Variants in KIF16B observed in about 807,000 individuals in gnomAD.
The protein encoded by KIF16B is kinesin family member 16B, also known as kinesin-like protein KIF16B.
In KIF16B, 98 loss-of-function variants were observed where a neutral mutation model predicts 156.3. That is an observed-to-expected ratio of 0.63 (90% confidence interval 0.53 to 0.74). The LOEUF is 0.74. KIF16B is among the 30% of genes least tolerant of loss of function. KIF16B has a pLI of 0.00. For synonymous variants in KIF16B, 564 were observed against 583.7 expected, an observed-to-expected ratio of 0.97 and a Z score of 0.49; for missense variants, 1,421 against 1,606.5, an observed-to-expected ratio of 0.88 and a Z score of 1.97.
intron 6 of KIF16B, among the ~76,000 whole-genome samples, chr20:16,509,851 T>C (rs1416594743): frequency 1.3e-5 from 2 of 152,232 alleles, no homozygotes; most frequent in South Asian, 2.1e-4. Flanking sequence ...AAATTTAACA[T>C]TGTTTATTTT....
At position 16,336,012 on chromosome 20, in the gene KIF16B, T is replaced by C; in HGVS notation, c.3625A>G (p.Thr1209Ala). The change falls in exon 24 of 26, where the codon ACT (threonine) becomes GCT (alanine). Residue 1209 changes from threonine to alanine, a missense_variant. Coordinates refer to ENST00000354981, the MANE Select transcript of KIF16B (RefSeq NM_024704.5). ...ACAGTCCATGTCTCATCTAGGACAG[T>C]AATCTATTAACCAGGAAAACCAAAA... ...DAHFEFEVKI[T>A]VLDETWTVFR... 1 of 1,589,792 alleles carries C rather than the reference T, an allele frequency of 6.3e-7. No individual in the cohort carries two copies. The highest frequency in any genetic ancestry group is 1.7e-4 in the Middle Eastern group (1 of 5,990).
At chr20:16,462,157 C>T (rs2067362438) in intron 12 of KIF16B, among the ~76,000 whole-genome samples, 2 of 152,114 alleles carry the variant, frequency 1.3e-5, no homozygotes, top group Admixed American at 6.5e-5. Flanking sequence ...AGAAGAATTG[C>T]TTGAACCCAG....
At chr20:16,427,620 A>G (rs1306166566) in intron 14 of KIF16B, among the ~76,000 whole-genome samples, 1 of 152,126 alleles carries the variant, frequency 6.6e-6, no homozygotes, top group Non-Finnish European at 1.5e-5. Context: ...GAGGCCACAG[A>G]GAATAAAAGC....
In KIF16B at chr20:16,330,644, G is replaced by A. The variant is rs2063931899; in HGVS notation, c.3711+5282C>T. Among the ~76,000 whole-genome samples, 7 of 152,196 alleles carry A rather than the reference G, an allele frequency of 4.6e-5. No homozygotes were observed. The South Asian group carries it at 1.5e-3, about 32-fold the overall frequency. ...TTCTGGAAACCTGATAAGGTGACAT[G>A]CCAAGTTTGTTATGAGACAATGTTG... On this transcript the variant is annotated intron_variant, in intron 24 of 25. Transcript: ENST00000354981.
In KIF16B at chr20:16,569,150, C is replaced by T. The variant is rs1056190130; in HGVS notation, c.47+4079G>A. ...CTCAGAAGACAGCCAGACAGCCTAT[C>T]TGCTGGCACCTTGATCTTGGATATC... On this transcript the variant is annotated intron_variant, in intron 1 of 25. Coordinates refer to ENST00000354981, the MANE Select transcript of KIF16B (RefSeq NM_024704.5). 5.3e-5 allele frequency among the ~76,000 whole-genome samples: 8 copies of T among 152,194 alleles called. 1 individual carries two copies. Among genetic ancestry groups the T allele is most frequent in the African/African-American group, 1.9e-4 (8 of 41,446 alleles).
At chr20:16,334,071 G>C (rs1032494444) in intron 24 of KIF16B, among the ~76,000 whole-genome samples, 3 of 152,128 alleles carry the variant, frequency 2.0e-5, no homozygotes, top group African/African-American at 7.2e-5. Context: ...CTGGAATCCA[G>C]AAAAATGTGC....
intron 23 of KIF16B, among the ~76,000 whole-genome samples, chr20:16,348,734 A>G (rs2064279893): frequency 6.6e-6 from 1 of 152,244 alleles, no homozygotes; most frequent in African/African-American, 2.4e-5. Flanking sequence ...AAACAGATCT[A>G]GGATAGTAAG....
chr20:16,483,393 A>C (rs966699388), intron 12 of KIF16B, among the ~76,000 whole-genome samples: 3 of 152,228 alleles, frequency 2.0e-5, no homozygotes, highest in African/African-American at 7.2e-5. Context: ...AAATACGTCT[A>C]AGTAACACCA....
chr20:16,497,487 A>G lies in KIF16B; in HGVS notation c.1242+126T>C, dbSNP rs1482120169. 2.3e-5 allele frequency: 16 copies of G among 708,978 alleles called. No individual in the cohort carries two copies. In the East Asian group the frequency reaches 4.4e-4, roughly 19 times the overall value. 43.9% of individuals were successfully genotyped at this position (708,978 alleles called of 1,614,324 possible). On this transcript the variant is annotated intron_variant, in intron 11 of 25. Coordinates refer to ENST00000354981, the MANE Select transcript of KIF16B (RefSeq NM_024704.5). Reference sequence around the variant, plus strand: ...CGTGCTTCTTCAAAAATGATCACCAACGAGGGAGGAGGCTAAGTGCAATAA... The same window carrying G: ...CGTGCTTCTTCAAAAATGATCACCAGCGAGGGAGGAGGCTAAGTGCAATAA...
intron 3 of KIF16B, among the ~76,000 whole-genome samples, chr20:16,517,466 G>C (rs185675703): frequency 5.3e-5 from 8 of 152,290 alleles, no homozygotes; most frequent in African/African-American, 1.9e-4. Context: ...ACGCTACAGG[G>C]AGAGTAGTGT....
intron 1 of KIF16B, among the ~76,000 whole-genome samples, chr20:16,570,062 C>T (rs111764860): frequency 2.0e-5 from 3 of 152,170 alleles, no homozygotes; most frequent in African/African-American, 7.2e-5. Flanking sequence ...TCTCAATCCT[C>T]TACCTTGGAA....
At chr20:16,506,472 T>A (rs1338152427) in intron 7 of KIF16B, among the ~76,000 whole-genome samples, 1 of 152,224 alleles carries the variant, frequency 6.6e-6, no homozygotes, top group Non-Finnish European at 1.5e-5. Context: ...AACTAGGCAC[T>A]GAGTGGCACT....
chr20:16,410,299 A>ATGTGTG (rs35361828), intron 15 of KIF16B, among the ~76,000 whole-genome samples: 254 of 141,508 alleles, frequency 1.8e-3, no homozygotes, highest in African/African-American at 6.3e-3. Flanking sequence ...CTACATATAT[A>ATGTGTG]TGTGTGTGTG....
chr20:16,359,346 C>A (rs1450537046), intron 22 of KIF16B, among the ~76,000 whole-genome samples: 1 of 152,110 alleles, frequency 6.6e-6, no homozygotes, highest in Non-Finnish European at 1.5e-5. Context: ...GCACCTCCCT[C>A]ACACTCTTTC....
In KIF16B at chr20:16,404,868, T is replaced by C; in HGVS notation, c.1729A>G (p.Thr577Ala). The change falls in exon 17 of 26, where the codon ACC becomes GCC. Residue 577 changes from threonine (T) to alanine (A), a missense_variant. Thr to Ala is a moderately conservative substitution (Grantham distance 58, BLOSUM62 0). Coordinates refer to ENST00000354981, the MANE Select transcript of KIF16B (RefSeq NM_024704.5). ...TTCTCACGGGACTTCGAGAGGTCGG[T>C]CATGGACAAGCTGAAGGAGGACAGA... ...GLLSSFSLSM[T>A]DLSKSRENLS... is the part of the protein sequence containing the mutation. 6.2e-7 allele frequency: 1 copy of C among 1,613,364 alleles called. No homozygotes were observed. The highest frequency in any genetic ancestry group is 8.5e-7 in the Non-Finnish European group (1 of 1,179,650).
rs1568667740 is a variant in KIF16B, at chr20:16,544,622, A to AC, written c.48-16183_48-16182insG. Among the ~76,000 whole-genome samples, 293 of 151,220 alleles carry AC rather than the reference A, an allele frequency of 1.9e-3. 1 individual carries two copies. Among genetic ancestry groups the AC allele is most frequent in the African/African-American group, 6.8e-3 (280 of 41,154 alleles). ...AAAGCCATCTCAAAAAAAAAAAAAA[A>AC]AAAAAAAAACTTCCTCTTCCAGGAA... On this transcript the variant is annotated intron_variant, in intron 1 of 25. Coordinates refer to ENST00000354981, the MANE Select transcript of KIF16B (RefSeq NM_024704.5).
At chr20:16,507,597 G>A (rs922336969) in intron 7 of KIF16B, among the ~76,000 whole-genome samples, 11 of 152,118 alleles carry the variant, frequency 7.2e-5, no homozygotes, top group Non-Finnish European at 1.5e-5. Context: ...GAACTGCACT[G>A]AGTTACTCAC....
intron 19 of KIF16B, 151 bp downstream of exon 19, chr20:16,378,654 T>C: frequency 1.3e-6 from 1 of 769,462 alleles, no homozygotes; most frequent in Non-Finnish European, 2.0e-6. Flanking sequence ...TTCTCAGTTC[T>C]GGCAAATATA....
chr20:16,551,167 T>C (rs971418887), intron 1 of KIF16B, among the ~76,000 whole-genome samples: 1 of 150,862 alleles, frequency 6.6e-6, no homozygotes, highest in African/African-American at 2.4e-5. Flanking sequence ...GTTTTGCTCT[T>C]GTTGCCTAGG....
Sources: allele counts gnomAD v4.1 joint callset (sites outside exome capture counted in the v4.1 genomes callset), GRCh38; gene constraint gnomAD v4.1.1; transcripts MANE v1.5; gene names NCBI Gene and HGNC (gene_info 2026-07-23, HGNC 2026-07-21).